The following BNC2 variants were observed in gnomAD, a reference collection of about 807,000 sequenced individuals.
BNC2 encodes the protein basonuclin zinc finger protein 2.
In BNC2, 20 loss-of-function variants were observed where a neutral mutation model predicts 76.3. The ratio of observed to expected loss-of-function variants is 0.26; its 90% confidence interval spans 0.18 to 0.38. The LOEUF is 0.38. Among genes scored for constraint, BNC2 ranks in the 10% least tolerant of loss-of-function variants. The pLI is 1.00. For missense variants in BNC2, 1,382 were observed against 1,399.8 expected, an observed-to-expected ratio of 0.99 and a Z score of 0.20; for synonymous variants, 582 against 514.8, an observed-to-expected ratio of 1.13 and a Z score of -1.77.
chr9:16,522,060 G>T (rs1474490802), intron 5 of BNC2, among the ~76,000 whole-genome samples: 2 of 152,140 alleles, frequency 1.3e-5, no homozygotes, highest in African/African-American at 4.8e-5. Context: ...GAGCTGAGAT[G>T]ATTTTGGTGC....
Position 16,411,438 on chromosome 9 carries a change from T to G in BNC2, c.*7551A>C, listed in dbSNP as rs1018256197. 2.6e-5 allele frequency: 4 copies of G among 152,628 alleles called. No homozygotes were observed. The highest frequency in any genetic ancestry group is 9.7e-5 in the African/African-American group (4 of 41,444). 9.5% of individuals were successfully genotyped at this position (152,628 alleles called of 1,614,324 possible). A position where few individuals can be genotyped will look rare whatever the true frequency, so the allele number is the denominator to read the frequency against. On this transcript the variant is annotated 3_prime_UTR_variant, in exon 7 of 7. Transcript: ENST00000380672. ...AAGTGAAACAAAGCATTAAAAAAAC[T>G]ATTACAAACGTCCTTAAGCATCCCT...
chr9:16,709,383 C>T (rs1022210559), intron 3 of BNC2, among the ~76,000 whole-genome samples: 1 of 152,212 alleles, frequency 6.6e-6, no homozygotes, highest in South Asian at 2.1e-4. Context: ...TTAAGTCTCT[C>T]AGCACACCCA....
chr9:16,645,478 A>G (rs962204591), intron 3 of BNC2, among the ~76,000 whole-genome samples: 2 of 152,202 alleles, frequency 1.3e-5, no homozygotes, highest in African/African-American at 4.8e-5. Context: ...GATATTTTAT[A>G]CCCAATACTA....
chr9:16,540,355 C>G (rs963340876), intron 5 of BNC2, among the ~76,000 whole-genome samples: 1 of 152,014 alleles, frequency 6.6e-6, no homozygotes, highest in Non-Finnish European at 1.5e-5. Flanking sequence ...TATTTAAACA[C>G]TCTAAGCTTC....
intron 5 of BNC2, among the ~76,000 whole-genome samples, chr9:16,515,319 A>G (rs1484917337): frequency 1.3e-5 from 2 of 152,188 alleles, no homozygotes; most frequent in East Asian, 1.9e-4. Flanking sequence ...AAGAGGATCA[A>G]TGACTGTGTT....
chr9:16,556,027 C>T (rs761056619), intron 4 of BNC2, among the ~76,000 whole-genome samples: 3 of 151,306 alleles, frequency 2.0e-5, no homozygotes, highest in Admixed American at 6.6e-5. Context: ...AGGCCAGGTG[C>T]AGTGGCTCAC....
chr9:16,598,727 C>T (rs1037804770), intron 3 of BNC2, among the ~76,000 whole-genome samples: 3 of 152,200 alleles, frequency 2.0e-5, no homozygotes, highest in Admixed American at 1.3e-4. Context: ...CCAAAGGCTA[C>T]TTTTACCATA....
At chr9:16,687,765 A>C (rs1563899005) in intron 3 of BNC2, among the ~76,000 whole-genome samples, 1 of 152,202 alleles carries the variant, frequency 6.6e-6, no homozygotes, top group African/African-American at 2.4e-5. Context: ...CTAAGTTTCT[A>C]GTTCTTTTTA....
intron 3 of BNC2, among the ~76,000 whole-genome samples, chr9:16,594,739 C>A (rs1820019387): frequency 6.6e-6 from 1 of 151,974 alleles, no homozygotes; most frequent in Admixed American, 6.6e-5. Context: ...GAGATTTTTT[C>A]AAACAGCAGA....
intron 1 of BNC2, among the ~76,000 whole-genome samples, chr9:16,800,050 C>A (rs1432829234): frequency 2.6e-5 from 4 of 151,960 alleles, no homozygotes; most frequent in Non-Finnish European, 5.9e-5. Flanking sequence ...CATGGGGAAA[C>A]CCCATCTCTA....
chr9:16,787,753 G>A (rs773540816), intron 1 of BNC2, among the ~76,000 whole-genome samples: 1 of 152,104 alleles, frequency 6.6e-6, no homozygotes, highest in Non-Finnish European at 1.5e-5. Flanking sequence ...GTCTCACTTT[G>A]TTGCCCGGGC....
chr9:16,846,861 T>C (rs1455071034), intron 1 of BNC2, among the ~76,000 whole-genome samples: 1 of 152,212 alleles, frequency 6.6e-6, no homozygotes, highest in Non-Finnish European at 1.5e-5. Context: ...ATCACAGCAC[T>C]AGGCCATCAA....
rs149065386 is a variant in BNC2 at position 16,765,185 on chromosome 9, A to T, written c.4-26700T>A. 2.1e-3 allele frequency among the ~76,000 whole-genome samples: 326 copies of T among 152,332 alleles called. 6 individuals carry two copies. In the East Asian group the frequency reaches 0.053, roughly 25 times the overall value. On this transcript the variant is annotated intron_variant, in intron 1 of 6. Transcript: ENST00000380672. ...AGGGATTTTTGTCTCTAATATGGTA[A>T]ACATACACAAAGAGACAGTCTTATT...
chr9:16,619,473 T>TA (rs1416078411), intron 3 of BNC2, among the ~76,000 whole-genome samples: 21 of 152,188 alleles, frequency 1.4e-4, no homozygotes, highest in Middle Eastern at 6.8e-3. Context: ...AAAATAAAAA[T>TA]AAACCTTCAG....
intron 1 of BNC2, among the ~76,000 whole-genome samples, chr9:16,739,912 G>A (rs759114098): frequency 1.3e-5 from 2 of 152,114 alleles, no homozygotes; most frequent in African/African-American, 4.8e-5. Context: ...TAGTATGGGG[G>A]GAACAGCAGA....
chr9:16,485,860 T>C (rs2131577429), intron 5 of BNC2, among the ~76,000 whole-genome samples: 1 of 152,226 alleles, frequency 6.6e-6, no homozygotes, highest in South Asian at 2.1e-4. Context: ...CCACAACCCT[T>C]CTCAATCCCC....
At chr9:16,536,641 G>GTA (rs1390149211) in intron 5 of BNC2, among the ~76,000 whole-genome samples, 2 of 151,820 alleles carry the variant, frequency 1.3e-5, no homozygotes, top group South Asian at 2.1e-4. Context: ...ATAAAGCTTT[G>GTA]TATATATATC....
intron 3 of BNC2, among the ~76,000 whole-genome samples, chr9:16,590,025 G>A (rs1819880586): frequency 6.6e-6 from 1 of 152,032 alleles, no homozygotes; most frequent in Non-Finnish European, 1.5e-5. Flanking sequence ...TTGGGAGGCT[G>A]AGGCAGGAGG....
chr9:16,728,854 G>C (rs768828556), intron 2 of BNC2, among the ~76,000 whole-genome samples: 13 of 151,846 alleles, frequency 8.6e-5, no homozygotes, highest in Non-Finnish European at 1.6e-4. Flanking sequence ...ATGAGAAACT[G>C]AATGGCAAAG....
Sources: gnomAD v4.1 joint callset for allele counts (sites outside exome capture counted in the v4.1 genomes callset) on GRCh38, gnomAD v4.1.1 for gene constraint, MANE v1.5 for transcripts, NCBI Gene and HGNC (gene_info 2026-07-23, HGNC 2026-07-21) for gene names.